The following NKIRAS1 variants were observed in gnomAD, a reference collection of about 807,000 sequenced individuals.
NKIRAS1 encodes NFKB inhibitor interacting Ras like 1.
Under a neutral mutation model 19.8 loss-of-function variants are expected in NKIRAS1, and 16 were observed. The observed-to-expected ratio is 0.81, with a 90% confidence interval of 0.55 to 1.23. The LOEUF (loss-of-function observed/expected upper bound fraction) is 1.23, where lower values mean the gene tolerates loss of function less well. NKIRAS1 is among the 50% of genes most tolerant of loss of function. NKIRAS1 has a pLI of 0.00. For synonymous variants in NKIRAS1, 88 were observed against 79.0 expected (o/e 1.11, Z -0.61); for missense variants, 184 against 220.0 (o/e 0.84, Z 1.04).
intron 1 of NKIRAS1, chr3:23,945,544 A>C: frequency 8.8e-7 from 1 of 1,138,494 alleles, no homozygotes; most frequent in Non-Finnish European, 1.1e-6. Context: ...CCTCTGCGGG[A>C]AGCGGGCGGC....
In NKIRAS1 at chr3:23,890,928, C is replaced by T. The variant is rs546636883; in HGVS notation, c.*2167G>A. On this transcript the variant is annotated 3_prime_UTR_variant, in exon 5 of 5. Coordinates refer to ENST00000425478, the MANE Select transcript of NKIRAS1 (RefSeq NM_020345.4). ...AAACAGCTTAATTTGGTACAGGTTA[C>T]ACATATGGCCATTTATGTAAAGTCC... The T allele has an allele frequency of 5.5e-6, 1 of 183,476 alleles. No homozygotes were observed. The highest frequency in any genetic ancestry group is 1.8e-4 in the South Asian group (1 of 5,490). The allele number at this position is 183,476 out of a possible 1,614,324, so 11.4% of individuals were successfully genotyped here.
At chr3:23,945,511 A>C (rs1575140240) in intron 1 of NKIRAS1, 1 of 931,888 alleles carries the variant, frequency 1.1e-6, no homozygotes, top group Non-Finnish European at 1.3e-6. Flanking sequence ...CGCGGCGCTG[A>C]GGCGGCGGCG....
chr3:23,893,328 C>A lies in NKIRAS1; in HGVS notation c.346G>T (p.Val116Leu), dbSNP rs781613393. The part of the protein sequence containing the change: ...KFKDKKEVAI[V>L]VLGNKIDLSE... ...AGGTCGATTTTGTTTCCTAATACCA[C>A]AATTGCTACCTGAAAGAAAACGGAT... The change falls in exon 5 of 5, where the codon GTG (valine) becomes TTG (leucine). Residue 116 changes from valine to leucine, a missense_variant. Transcript: ENST00000425478. The A allele has an allele frequency of 6.2e-7, 1 of 1,612,882 alleles. No homozygotes were observed. The highest frequency in any genetic ancestry group is 8.5e-7 in the Non-Finnish European group (1 of 1,179,570).
rs959633868 is a variant in NKIRAS1 at position 23,927,376 on chromosome 3, GAAAA to G, written c.-139-15930_-139-15927del. Among the ~76,000 whole-genome samples the G allele has an allele frequency of 6.6e-6, 1 of 150,614 alleles. No homozygotes were observed. Among genetic ancestry groups the G allele is most frequent in the African/African-American group, 2.4e-5 (1 of 40,998 alleles). On this transcript the variant is annotated intron_variant, in intron 1 of 4. Coordinates refer to the NKIRAS1 transcript ENST00000421515. The surrounding 1 kb of genome is among the most constrained non-coding windows in gnomAD (Gnocchi z 4.0). ...TCTCTATATTTCTTAGTTGAGGAAA[GAAAA>G]AAAAACCTACTGCGAAGGTGCTATA...
At chr3:23,903,929 C>T (rs1023906903) in intron 3 of NKIRAS1, among the ~76,000 whole-genome samples, 1 of 152,148 alleles carries the variant, frequency 6.6e-6, no homozygotes, top group African/African-American at 2.4e-5. Flanking sequence ...CTTTGGGAGG[C>T]CAAGGTGGGC....
intron 1 of NKIRAS1, among the ~76,000 whole-genome samples, chr3:23,940,694 A>G (rs1469201003): frequency 6.7e-6 from 1 of 148,776 alleles, no homozygotes; most frequent in East Asian, 2.0e-4. Context: ...CGTTATAACA[A>G]AATCATTTTT....
rs1486234356 is a variant in NKIRAS1 at position 23,927,985 on chromosome 3, G to A, written c.-139-16535C>T. On this transcript the variant is annotated intron_variant, in intron 1 of 4. Transcript: ENST00000421515. This position sits in a 1 kb window ranked among gnomAD's most constrained non-coding sequence, Gnocchi z 4.0. ...TACCAGATATGCAGGAGGCTGAGGT[G>A]GAAGAATTGCTTGAGCCTGGGAAGT... Among the ~76,000 whole-genome samples, 1 of 151,962 alleles carries A rather than the reference G, an allele frequency of 6.6e-6. No individual in the cohort carries two copies. Among genetic ancestry groups the A allele is most frequent in the African/African-American group, 2.4e-5 (1 of 41,326 alleles).
chr3:23,918,629 G>A (rs766788211), upstream of NKIRAS1: 2 of 1,579,772 alleles, frequency 1.3e-6, no homozygotes, highest in South Asian at 1.1e-5. Flanking sequence ...GATGGTGGGA[G>A]AGAGAGATTA....
intron 1 of NKIRAS1, among the ~76,000 whole-genome samples, chr3:23,940,186 A>G (rs951683650): frequency 1.4e-4 from 21 of 150,622 alleles, no homozygotes; most frequent in African/African-American, 4.4e-4. Context: ...AAAAAAAAAA[A>G]AAAAAGAGAA....
At position 23,927,258 on chromosome 3, in the gene NKIRAS1, G is replaced by A. The variant is rs924098608; in HGVS notation, c.-139-15808C>T. Among the ~76,000 whole-genome samples the A allele has an allele frequency of 2.6e-5, 4 of 152,116 alleles. No individual in the cohort carries two copies. The highest frequency in any genetic ancestry group is 1.5e-5 in the Non-Finnish European group (1 of 68,026). ...TGCAAGGCTGAGTGCAGTGGCTCAC[G>A]TCTGTAATCCCAGCACTTTGGGAGG... is the stretch of plus-strand genomic sequence containing the variant. On this transcript the variant is annotated intron_variant, in intron 1 of 4. Coordinates refer to the NKIRAS1 transcript ENST00000421515. The surrounding 1 kb of genome is among the most constrained non-coding windows in gnomAD (Gnocchi z 4.0).
At chr3:23,918,263 C>T (rs1704795236), upstream of NKIRAS1, 3 of 899,852 alleles carry the variant, frequency 3.3e-6, no homozygotes, top group Non-Finnish European at 5.0e-6. Context: ...AGTGTGCCTC[C>T]CTGTGTGAGT....
At chr3:23,929,423 GTTTA>G (rs1038473237) in intron 1 of NKIRAS1, among the ~76,000 whole-genome samples, 2 of 151,502 alleles carry the variant, frequency 1.3e-5, no homozygotes, top group Admixed American at 6.6e-5. Context: ...GAAAAAATTT[GTTTA>G]TTTATTTATT....
rs543262154 is a variant in NKIRAS1, at chr3:23,891,618, T to C, written c.*1477A>G. On this transcript the variant is annotated 3_prime_UTR_variant, in exon 5 of 5. Transcript: ENST00000425478. ...AGAAATGGGTTCCGTCATGGATAAA[T>C]TGGTACCCTGCCTTAGGGGGCATTT... 5.3e-5 allele frequency: 8 copies of C among 152,230 alleles called. No individual in the cohort carries two copies. The highest frequency in any genetic ancestry group is 1.9e-4 in the East Asian group (1 of 5,204). 9.4% of individuals were successfully genotyped at this position (152,230 alleles called of 1,614,324 possible).
intron 1 of NKIRAS1, among the ~76,000 whole-genome samples, chr3:23,945,084 G>A (rs575820363): frequency 1.5e-4 from 23 of 151,724 alleles, no homozygotes; most frequent in Admixed American, 9.8e-4. Context: ...GGCACGGAGG[G>A]GAAAAACGAA....
intron 4 of NKIRAS1, among the ~76,000 whole-genome samples, chr3:23,897,793 T>C (rs1399356409): frequency 6.6e-6 from 1 of 152,186 alleles, no homozygotes; most frequent in South Asian, 2.1e-4. Context: ...CATCACTCAT[T>C]GTAATGTATT....
upstream of NKIRAS1, chr3:23,921,492 A>AC (rs1705077254): frequency 1.5e-6 from 1 of 657,442 alleles, no homozygotes; most frequent in African/African-American, 1.8e-5. Flanking sequence ...CTATACCCTG[A>AC]CCGCCCCACA....
intron 1 of NKIRAS1, among the ~76,000 whole-genome samples, chr3:23,930,568 C>T (rs1314796444): frequency 6.6e-6 from 1 of 151,988 alleles, no homozygotes; most frequent in Non-Finnish European, 1.5e-5. Flanking sequence ...ATTTACAATG[C>T]CCTCTTTACT....
At chr3:23,929,143 C>G (rs1705263415) in intron 1 of NKIRAS1, among the ~76,000 whole-genome samples, 1 of 152,222 alleles carries the variant, frequency 6.6e-6, no homozygotes, top group Middle Eastern at 3.4e-3. Context: ...GGGCAGACCA[C>G]TTGAGGTCAG....
At chr3:23,938,068 G>A (rs1292318144) in intron 1 of NKIRAS1, among the ~76,000 whole-genome samples, 3 of 152,112 alleles carry the variant, frequency 2.0e-5, no homozygotes, top group Non-Finnish European at 4.4e-5. Flanking sequence ...GAACCATTAT[G>A]TGGAGTGGGG....
Sources: gnomAD v4.1 joint callset for allele counts (sites outside exome capture counted in the v4.1 genomes callset) on GRCh38, gnomAD v4.1.1 for gene constraint, Gnocchi (gnomAD v3.1) non-coding constraint, MANE v1.5 for transcripts, NCBI Gene and HGNC (gene_info 2026-07-23, HGNC 2026-07-21) for gene names.